Variants in KIAA2012 observed in about 807,000 individuals in gnomAD.
KIAA2012 encodes the protein uncharacterized protein KIAA2012.
A neutral mutation model predicts 150.6 loss-of-function variants in KIAA2012; 125 were observed. The ratio of observed to expected loss-of-function variants is 0.83; its 90% CI spans 0.72 to 0.96. KIAA2012 has a LOEUF of 0.96. Ranked by LOEUF, KIAA2012 falls within the 40% of genes least tolerant of loss-of-function variation. The pLI, the probability that KIAA2012 is intolerant of heterozygous loss-of-function variation, is 0.00. For missense variants in KIAA2012, 1,219 were observed against 1,354.9 expected (o/e 0.90, Z 1.57); for synonymous variants, 462 against 504.7 (o/e 0.92, Z 1.13).
At chr2:202,141,231 A>G (rs1178906317) in intron 13 of KIAA2012, among the ~76,000 whole-genome samples, 2 of 152,156 alleles carry the variant, frequency 1.3e-5, no homozygotes, top group Non-Finnish European at 2.9e-5. Flanking sequence ...CCTCCAGCAC[A>G]CGATGATGGC....
At chr2:202,149,022 G>A (rs1483688015) in intron 13 of KIAA2012, among the ~76,000 whole-genome samples, 2 of 152,188 alleles carry the variant, frequency 1.3e-5, no homozygotes, top group Admixed American at 1.3e-4. Context: ...GGCCCGGGAA[G>A]GCCAAACACG....
chr2:202,155,006 G>A (rs1429821000), intron 14 of KIAA2012, among the ~76,000 whole-genome samples, 196 bp downstream of exon 14: 1 of 152,154 alleles, frequency 6.6e-6, no homozygotes, highest in African/African-American at 2.4e-5. Flanking sequence ...CAGCCATCGG[G>A]GACAAATCAG....
intron 2 of KIAA2012, among the ~76,000 whole-genome samples, chr2:202,082,797 G>C (rs756621962): frequency 4.0e-5 from 6 of 150,768 alleles, no homozygotes; most frequent in South Asian, 2.1e-4. Context: ...TTAGGTTTTT[G>C]CTCCATTTTG....
At position 202,105,705 on chromosome 2, in the gene KIAA2012, C is replaced by A. The variant is rs533122196; in HGVS notation, c.1325-56C>A. 4 of 1,526,992 alleles carry A rather than the reference C, an allele frequency of 2.6e-6. No homozygotes were observed. In the African/African-American group the frequency reaches 5.5e-5, roughly 21 times the overall value. The allele number at this position is 1,526,992 out of a possible 1,614,324, so 94.6% of individuals were successfully genotyped here. A position where few individuals can be genotyped will look rare whatever the true frequency, so the allele number is the denominator to read the frequency against. ...AGGGATAGGTCCCCAAAAGAAGAGACATTAGGCAAAAACAACAGACCTCTG... is the reference window on the plus strand; with the variant it reads ...AGGGATAGGTCCCCAAAAGAAGAGAAATTAGGCAAAAACAACAGACCTCTG... On this transcript the variant is annotated intron_variant, in intron 8 of 23. Transcript: ENST00000498697.
At chr2:202,123,692 A>C (rs1176495748) in intron 11 of KIAA2012, among the ~76,000 whole-genome samples, 2 of 152,246 alleles carry the variant, frequency 1.3e-5, no homozygotes, top group Non-Finnish European at 2.9e-5. Flanking sequence ...GAAGCAAAAA[A>C]TAAATAAATA....
chr2:202,074,274 T>C (rs1476955688), intron 1 of KIAA2012, among the ~76,000 whole-genome samples: 2 of 152,114 alleles, frequency 1.3e-5, no homozygotes, highest in Admixed American at 6.6e-5. Context: ...CTTTGCAAAT[T>C]TGGGGGTCAT....
At chr2:202,098,821 C>T (rs917577303) in intron 5 of KIAA2012, among the ~76,000 whole-genome samples, 102 of 76,304 alleles carry the variant, frequency 1.3e-3, no homozygotes, top group African/African-American at 5.2e-3. Flanking sequence ...TGTGTGTGTG[C>T]ACGCGCGCGC....
In KIAA2012 at chr2:202,190,462, A is replaced by G; in HGVS notation, c.2780A>G (p.Lys927Arg). Residue 927 changes from lysine (K) to arginine (R), a missense_variant, in exon 19 of 24, where the codon AAA (lysine) becomes AGA (arginine). Lys to Arg is a conservative substitution (Grantham distance 26). Coordinates refer to ENST00000498697, the MANE Select transcript of KIAA2012 (RefSeq NM_001277372.4). ...ACTGTCACTGGCAACATGGAATCTA[A>G]AGAAGAGAGAAGATGTGAGGACCCT... is the stretch of plus-strand genomic sequence containing the variant. ...IATVTGNMES[K>R]EERRCEDPSK... 1.3e-6 allele frequency: 2 copies of G among 1,541,678 alleles called. No homozygotes were observed. The highest frequency in any genetic ancestry group is 8.8e-7 in the Non-Finnish European group (1 of 1,141,964).
At chr2:202,202,932 A>C in intron 23 of KIAA2012, among the ~76,000 whole-genome samples, 1 of 113,714 alleles carries the variant, frequency 8.8e-6, no homozygotes, top group Admixed American at 9.4e-5. Context: ...GTCTCTTAAG[A>C]AAAAAAAAAA....
At chr2:202,133,237 C>T (rs1690998984) in intron 12 of KIAA2012, among the ~76,000 whole-genome samples, 1 of 149,986 alleles carries the variant, frequency 6.7e-6, no homozygotes, top group African/African-American at 2.5e-5. Context: ...TTCCTCCACA[C>T]AGTCTTCCAC....
intron 23 of KIAA2012, among the ~76,000 whole-genome samples, 179 bp downstream of exon 23, chr2:202,202,766 A>T (rs1355998691): frequency 1.3e-5 from 2 of 150,334 alleles, no homozygotes; most frequent in Non-Finnish European, 1.5e-5. Context: ...TCATCTTTAT[A>T]AAAAAACATT....
At chr2:202,137,638 A>G (rs1675948844) in intron 12 of KIAA2012, 1 of 152,176 alleles carries the variant, frequency 6.6e-6, no homozygotes, top group Non-Finnish European at 1.5e-5. Context: ...CTTAAGGGAA[A>G]AAAAAGAAAA....
Position 202,190,567 on chromosome 2 carries a change from T to C in KIAA2012, c.2811+74T>C, listed in dbSNP as rs1692311622. 3.5e-6 allele frequency: 4 copies of C among 1,156,240 alleles called. No individual in the cohort carries two copies. In the South Asian group the frequency reaches 6.6e-5, roughly 19 times the overall value. The allele number at this position is 1,156,240 out of a possible 1,614,324, so 71.6% of individuals were successfully genotyped here. On this transcript the variant is annotated intron_variant, in intron 19 of 23. Transcript: ENST00000498697. ...GGCGCGACTGCAAAGATGGGAAAGC[T>C]GCCCCTAATTATATTGCACTTACTA...
At chr2:202,164,810 T>TA (rs1245041837) in intron 14 of KIAA2012, among the ~76,000 whole-genome samples, 3 of 152,178 alleles carry the variant, frequency 2.0e-5, no homozygotes, top group African/African-American at 7.2e-5. Context: ...CTTCCTCCAG[T>TA]AAACTCCTAC....
At chr2:202,112,436 G>T (rs746934695) in intron 10 of KIAA2012, among the ~76,000 whole-genome samples, 1 of 152,168 alleles carries the variant, frequency 6.6e-6, no homozygotes, top group Non-Finnish European at 1.5e-5. Context: ...ATAAGTAAGC[G>T]TTTCCCTGAG....
chr2:202,125,191 T>C, intron 11 of KIAA2012, 23 bp from the exon 12 acceptor site: 2 of 1,540,770 alleles, frequency 1.3e-6, no homozygotes, highest in Non-Finnish European at 1.8e-6. Context: ...CGCTCTCAGG[T>C]AAAATATCTT....
Position 202,190,488 on chromosome 2 carries a change from T to G in KIAA2012, c.2806T>G (p.Ser936Ala). The G allele has an allele frequency of 6.6e-7, 1 of 1,514,922 alleles. No homozygotes were observed. Among genetic ancestry groups the G allele is most frequent in the Non-Finnish European group, 8.9e-7 (1 of 1,128,648 alleles). 93.8% of individuals were successfully genotyped at this position (1,514,922 alleles called of 1,614,324 possible). Residue 936 changes from serine to alanine, a missense_variant, in exon 19 of 24, where the codon TCC becomes GCC. Transcript: ENST00000498697. ...AGAAGAGAGAAGATGTGAGGACCCTTCCAAGGTAGGGTCTGATGTCCTCAG... is the reference window on the plus strand; with the variant it reads ...AGAAGAGAGAAGATGTGAGGACCCTGCCAAGGTAGGGTCTGATGTCCTCAG... ...SKEERRCEDP[S>A]KALLTKREQE...
At chr2:202,177,465 G>A (rs1692017074) in intron 15 of KIAA2012, among the ~76,000 whole-genome samples, 1 of 152,176 alleles carries the variant, frequency 6.6e-6, no homozygotes, top group Non-Finnish European at 1.5e-5. Context: ...TGGAGGCTGA[G>A]AAGCCCAAGA....
chr2:202,154,649 C>T (rs1691487421), intron 13 of KIAA2012, 24 bp from the exon 14 acceptor site: 12 of 1,518,086 alleles, frequency 7.9e-6, no homozygotes, highest in South Asian at 1.3e-5. Context: ...TATGAAAGTT[C>T]GGGCTTTCTG....
Sources: allele counts gnomAD v4.1 joint callset (sites outside exome capture counted in the v4.1 genomes callset), GRCh38; gene constraint gnomAD v4.1.1; transcripts MANE v1.5; gene names NCBI Gene and HGNC (gene_info 2026-07-23, HGNC 2026-07-21).